Variants in TFAP2E observed in about 807,000 individuals in gnomAD.
TFAP2E encodes transcription factor AP-2-epsilon.
Under a neutral mutation model 37.9 loss-of-function variants are expected in TFAP2E, and 30 were observed. The observed-to-expected ratio is 0.79, with a 90% confidence interval of 0.59 to 1.07. TFAP2E has a LOEUF of 1.07. Ranked by LOEUF, TFAP2E falls within the 50% of genes least tolerant of loss-of-function variation. The pLI, the probability that TFAP2E is intolerant of heterozygous loss-of-function variation, is 0.00. For synonymous variants in TFAP2E, 318 were observed against 295.8 expected (o/e 1.08, Z -0.77); for missense variants, 567 against 637.9 (o/e 0.89, Z 1.20).
Position 35,573,693 on chromosome 1 carries a change from G to A in TFAP2E, c.27+89G>A. 1 of 1,496,650 alleles carries A rather than the reference G, an allele frequency of 6.7e-7. No individual in the cohort carries two copies. Among genetic ancestry groups the A allele is most frequent in the Non-Finnish European group, 8.9e-7 (1 of 1,119,082 alleles). The allele number at this position is 1,496,650 out of a possible 1,614,324, so 92.7% of individuals were successfully genotyped here. On this transcript the variant is annotated intron_variant, in intron 1 of 6. Coordinates refer to ENST00000373235, the MANE Select transcript of TFAP2E (RefSeq NM_178548.4). This position sits in a 1 kb window ranked among gnomAD's most constrained non-coding sequence, Gnocchi z 5.9. Reference sequence around the variant, plus strand: ...TCCAACCCTCCTGTCCCGCGCTAACGAAATCTCGGAGGGAGGGGGCCGCAG... The same window carrying A: ...TCCAACCCTCCTGTCCCGCGCTAACAAAATCTCGGAGGGAGGGGGCCGCAG...
rs901324348 is a variant in TFAP2E at position 35,588,195 on chromosome 1, T to G, written c.563-135T>G. On this transcript the variant is annotated intron_variant, in intron 3 of 6. Transcript: ENST00000373235. The surrounding 1 kb of genome is among the most constrained non-coding windows in gnomAD (Gnocchi z 5.1). ...AGTCTCTGAGTTCACATCCATCAGTTGAGGGAACTTGGGCGAGTCACTTTC... is the reference window on the plus strand; with the variant it reads ...AGTCTCTGAGTTCACATCCATCAGTGGAGGGAACTTGGGCGAGTCACTTTC... 1.2e-4 allele frequency: 95 copies of G among 804,938 alleles called. 1 individual carries two copies. The highest frequency in any genetic ancestry group is 5.7e-6 in the Non-Finnish European group (3 of 527,730). The allele number at this position is 804,938 out of a possible 1,614,324, so 49.9% of individuals were successfully genotyped here.
chr1:35,590,074 G>A lies in TFAP2E; in HGVS notation c.904+26G>A. On this transcript the variant is annotated intron_variant, in intron 5 of 6. Transcript: ENST00000373235. This position sits in a 1 kb window ranked among gnomAD's most constrained non-coding sequence, Gnocchi z 6.2. ...GTGAGTGAGGCCTGAAGGTGGGCAT[G>A]GGAGTGGATGTGAGGGCAAGTGAGT... The A allele has an allele frequency of 6.2e-7, 1 of 1,608,808 alleles. No homozygotes were observed.
chr1:35,590,829 T>A lies in TFAP2E; in HGVS notation c.1046+54T>A. On this transcript the variant is annotated intron_variant, in intron 6 of 6. Transcript: ENST00000373235. The surrounding 1 kb of genome is among the most constrained non-coding windows in gnomAD (Gnocchi z 6.2). ...CGTGGGTGCCATGCACAGACAGACA[T>A]CATGTATGGGCACAATGGACACCAC... 2 of 1,346,210 alleles carry A rather than the reference T, an allele frequency of 1.5e-6. No individual in the cohort carries two copies. Among genetic ancestry groups the A allele is most frequent in the Non-Finnish European group, 1.9e-6 (2 of 1,034,446 alleles). 83.4% of individuals were successfully genotyped at this position (1,346,210 alleles called of 1,614,324 possible).
At chr1:35,592,156 A>T (rs967818427) in intron 6 of TFAP2E, among the ~76,000 whole-genome samples, 2 of 151,750 alleles carry the variant, frequency 1.3e-5, no homozygotes, top group African/African-American at 4.8e-5. Flanking sequence ...GTGGTGGTGC[A>T]CTCCTGTAGT....
intron 4 of TFAP2E, 99 bp from the exon 5 acceptor site, chr1:35,589,831 G>A: frequency 8.1e-7 from 1 of 1,227,408 alleles, no homozygotes; most frequent in Non-Finnish European, 1.2e-6. Flanking sequence ...CCTCAACAGG[G>A]GCTGGTGGAG....
At chr1:35,574,641 AC>A in intron 2 of TFAP2E, 1 of 742,240 alleles carries the variant, frequency 1.3e-6, no homozygotes, top group African/African-American at 1.8e-5. Flanking sequence ...CTCGGCAGGG[AC>A]CGAATCACTT....
At position 35,577,632 on chromosome 1, in the gene TFAP2E, C is replaced by A; in HGVS notation, c.562+2632C>A. ...AAGGGAGGCAGCTGCAGCCTCAGCC[C>A]CACCCCAGAAGCGGCCTTCGCATCG... On this transcript the variant is annotated intron_variant, in intron 3 of 6. Coordinates refer to ENST00000373235, the MANE Select transcript of TFAP2E (RefSeq NM_178548.4). This position sits in a 1 kb window ranked among gnomAD's most constrained non-coding sequence, Gnocchi z 6.3. The A allele has an allele frequency of 3.0e-6, 1 of 335,714 alleles. No individual in the cohort carries two copies. The highest frequency in any genetic ancestry group is 6.0e-6 in the Non-Finnish European group (1 of 166,074). The allele number at this position is 335,714 out of a possible 1,614,324, so 20.8% of individuals were successfully genotyped here. A position where few individuals can be genotyped will look rare whatever the true frequency, so the allele number is the denominator to read the frequency against.
chr1:35,582,876 T>C (rs918892311), intron 3 of TFAP2E, among the ~76,000 whole-genome samples: 2 of 151,954 alleles, frequency 1.3e-5, no homozygotes, highest in East Asian at 3.9e-4. Context: ...TTTGATGAAG[T>C]CCAGTTTATC....
At position 35,573,370 on chromosome 1, in the gene TFAP2E, G is replaced by A. The variant is rs1649065144; in HGVS notation, c.-208G>A. 1.9e-6 allele frequency: 1 copy of A among 534,730 alleles called. No homozygotes were observed. Among genetic ancestry groups the A allele is most frequent in the Non-Finnish European group, 3.1e-6 (1 of 326,458 alleles). The allele number at this position is 534,730 out of a possible 1,614,324, so 33.1% of individuals were successfully genotyped here. Reference sequence around the variant, plus strand: ...TGACCGACTTTTCCAAGTGCGATCAGTGCCCGTCCGTCCTGCCTCCATGGA... The same window carrying A: ...TGACCGACTTTTCCAAGTGCGATCAATGCCCGTCCGTCCTGCCTCCATGGA... On this transcript the variant is annotated 5_prime_UTR_variant, in exon 1 of 7. In the 5' UTR this introduces an upstream ATG that the reference lacks. Transcript: ENST00000373235. The surrounding 1 kb of genome is among the most constrained non-coding windows in gnomAD (Gnocchi z 5.9).
chr1:35,579,161 C>A (rs1364456356), intron 3 of TFAP2E, among the ~76,000 whole-genome samples: 2 of 145,952 alleles, frequency 1.4e-5, no homozygotes, highest in South Asian at 4.4e-4. Context: ...TTTGGGAGGC[C>A]GAGGCGGGTG....
Position 35,574,956 on chromosome 1 carries a change from A to C in TFAP2E, c.518A>C (p.Asp173Ala). 6.2e-7 allele frequency: 1 copy of C among 1,613,886 alleles called. No individual in the cohort carries two copies. Among genetic ancestry groups the C allele is most frequent in the Non-Finnish European group, 8.5e-7 (1 of 1,180,000 alleles). The change falls in exon 3 of 7, where the codon GAC (aspartate) becomes GCC (alanine). Residue 173 changes from aspartate (D) to alanine (A), a missense_variant. By Grantham distance (126) the Asp-to-Ala change is moderately radical. Around this residue, in one of 3 missense-constraint regions of TFAP2E, gnomAD observed 312 missense variants for 317.4 expected, o/e 0.98. Coordinates refer to ENST00000373235, the MANE Select transcript of TFAP2E (RefSeq NM_178548.4). ...GCCCTCTGCTATTTGCAGGCAATGG[A>C]CGAGCCGGGAATGAGCCTCCTAGAC... ...APGLEDLQAM[D>A]EPGMSLLDQS...
At chr1:35,582,412 T>C (rs1421068785) in intron 3 of TFAP2E, among the ~76,000 whole-genome samples, 2 of 152,060 alleles carry the variant, frequency 1.3e-5, no homozygotes, top group African/African-American at 2.4e-5. Flanking sequence ...CTTTATCAGA[T>C]ATATGATTTG....
Position 35,594,649 on chromosome 1 carries a change from G to T in TFAP2E, c.1302G>T (p.Ser434=). Residue 434 remains serine (S), a synonymous_variant, in exon 7 of 7, where the codon TCG becomes TCT. Coordinates refer to ENST00000373235, the MANE Select transcript of TFAP2E (RefSeq NM_178548.4). ...GTGGGCATGGTGAAACCAAGGCTTCGGAGAAGGATGCCAAGCATCGGAAAT... is the reference window on the plus strand; with the variant it reads ...GTGGGCATGGTGAAACCAAGGCTTCTGAGAAGGATGCCAAGCATCGGAAAT... ...VGSGHGETKA[S]EKDAKHRK is the part of the protein sequence containing the mutation. 1.2e-6 allele frequency: 2 copies of T among 1,614,110 alleles called. No homozygotes were observed. Among genetic ancestry groups the T allele is most frequent in the Non-Finnish European group, 1.7e-6 (2 of 1,180,042 alleles).
At chr1:35,575,041 G>C in intron 3 of TFAP2E, 41 bp downstream of exon 3, 1 of 1,612,734 alleles carries the variant, frequency 6.2e-7, no homozygotes, top group Non-Finnish European at 8.5e-7. Flanking sequence ...GCGAGATGGT[G>C]CAGGCCCTTG....
intron 6 of TFAP2E, among the ~76,000 whole-genome samples, chr1:35,593,957 G>A (rs961307257): frequency 1.3e-5 from 2 of 152,348 alleles, no homozygotes; most frequent in Non-Finnish European, 1.5e-5. Flanking sequence ...GGTTGGCACA[G>A]CATCCAGCCT....
intron 3 of TFAP2E, among the ~76,000 whole-genome samples, chr1:35,580,546 G>A (rs959429139): frequency 1.3e-5 from 2 of 152,090 alleles, no homozygotes; most frequent in African/African-American, 4.8e-5. Flanking sequence ...GGATCACGAG[G>A]TCAGGAGATC....
rs1463849185 is a variant in TFAP2E, at chr1:35,588,867, C to A, written c.785+315C>A. 6.6e-6 allele frequency among the ~76,000 whole-genome samples: 1 copy of A among 152,266 alleles called. No homozygotes were observed. The highest frequency in any genetic ancestry group is 1.9e-4 in the East Asian group (1 of 5,162). ...GGAAGAGAGAGGGCCATCCTCACCC[C>A]CTCTTCTAGGAAATGAACCCCAGGA... On this transcript the variant is annotated intron_variant, in intron 4 of 6. Transcript: ENST00000373235. The surrounding 1 kb of genome is among the most constrained non-coding windows in gnomAD (Gnocchi z 5.1).
At position 35,588,583 on chromosome 1, in the gene TFAP2E, G is replaced by C. The variant is rs368855825; in HGVS notation, c.785+31G>C. On this transcript the variant is annotated intron_variant, in intron 4 of 6. Transcript: ENST00000373235. The surrounding 1 kb of genome is among the most constrained non-coding windows in gnomAD (Gnocchi z 5.1). ...AAGGCCAGCCCACAATTCCCCGCCTGATTGGATCCCTGGCCTCTTCAGGCC... is the reference window on the plus strand; with the variant it reads ...AAGGCCAGCCCACAATTCCCCGCCTCATTGGATCCCTGGCCTCTTCAGGCC... 26 of 1,540,782 alleles carry C rather than the reference G, an allele frequency of 1.7e-5. No homozygotes were observed. Among genetic ancestry groups the C allele is most frequent in the Non-Finnish European group, 2.0e-5 (23 of 1,141,424 alleles).
Position 35,594,740 on chromosome 1 carries a change from G to A in TFAP2E, c.*64G>A, listed in dbSNP as rs1649784304. 2.5e-6 allele frequency: 4 copies of A among 1,604,178 alleles called. No homozygotes were observed. The Admixed American group carries it at 5.1e-5, about 21-fold the overall frequency. On this transcript the variant is annotated 3_prime_UTR_variant, in exon 7 of 7. Transcript: ENST00000373235. ...CTGAAATAGGGACTTAGCTCTTGGGGGTGGGCCTGGAAGGACTGAAAGGTG... is the reference window on the plus strand; with the variant it reads ...CTGAAATAGGGACTTAGCTCTTGGGAGTGGGCCTGGAAGGACTGAAAGGTG...
Sources: gnomAD v4.1 joint callset for allele counts (sites outside exome capture counted in the v4.1 genomes callset) on GRCh38, gnomAD v4.1.1 for gene constraint, gnomAD v4.1.1 regional missense constraint, Gnocchi (gnomAD v3.1) non-coding constraint, MANE v1.5 for transcripts, NCBI Gene and HGNC (gene_info 2026-07-23, HGNC 2026-07-21) for gene names.